The following NFIB variants were observed in gnomAD, a reference collection of about 807,000 sequenced individuals.
NFIB encodes the protein nuclear factor I B.
A neutral mutation model predicts 61.5 loss-of-function variants in NFIB; 11 were observed. The ratio of observed to expected loss-of-function variants is 0.18; its 90% CI spans 0.11 to 0.30. NFIB has a LOEUF of 0.30. Ranked by LOEUF, NFIB falls within the 10% of genes least tolerant of loss-of-function variation. NFIB has a pLI of 1.00. For missense variants in NFIB, 471 were observed against 608.9 expected, an observed-to-expected ratio of 0.77 and a Z score of 2.38; for synonymous variants, 260 against 216.5, an observed-to-expected ratio of 1.20 and a Z score of -1.76.
intron 8 of NFIB, among the ~76,000 whole-genome samples, chr9:14,117,313 G>A (rs1000039985): frequency 6.6e-6 from 1 of 152,066 alleles, no homozygotes; most frequent in Admixed American, 6.6e-5. Flanking sequence ...TTCCGTGGTA[G>A]GAAACAAAAT....
rs2118447617 is a variant in NFIB at position 14,087,576 on chromosome 9, T to C, written c.*733A>G. 4.4e-6 allele frequency: 1 copy of C among 227,764 alleles called. No homozygotes were observed. The highest frequency in any genetic ancestry group is 2.2e-5 in the African/African-American group (1 of 45,106). 14.1% of individuals were successfully genotyped at this position (227,764 alleles called of 1,614,324 possible). On this transcript the variant is annotated 3_prime_UTR_variant, in exon 11 of 11. Coordinates refer to ENST00000380953, the MANE Select transcript of NFIB (RefSeq NM_001190737.2). ...AACTGTTTTTTTCCTTTTTTCTTTT[T>C]TTCCTTTTTTTTTCATTTTTTCTTT...
rs372745565 is a variant in NFIB at position 14,141,649 on chromosome 9, T to G, written c.925+5040A>C. ...AATTCCTCCAATATAATATAGACAT[T>G]TGACAAATTGTTCATTGAACCAAAT... On this transcript the variant is annotated intron_variant, in intron 6 of 10. Transcript: ENST00000380953. 1.8e-4 allele frequency among the ~76,000 whole-genome samples: 28 copies of G among 152,286 alleles called. No homozygotes were observed. The South Asian group carries it at 5.8e-3, about 32-fold the overall frequency.
rs1011872669 is a variant in NFIB, at chr9:14,134,913, A to AAAAAAAAAAAAAAAAAAAG, written c.926-9148_926-9147insCTTTTTTTTTTTTTTTTTT. Among the ~76,000 whole-genome samples the AAAAAAAAAAAAAAAAAAAG allele has an allele frequency of 5.2e-3, 685 of 132,938 alleles. 7 individuals are homozygous for AAAAAAAAAAAAAAAAAAAG. Among genetic ancestry groups the AAAAAAAAAAAAAAAAAAAG allele is most frequent in the South Asian group, 9.7e-3 (36 of 3,728 alleles). The allele number at this position is 132,938 out of a possible 152,430, so 87.2% of individuals were successfully genotyped here. On this transcript the variant is annotated intron_variant, in intron 6 of 10. Coordinates refer to ENST00000380953, the MANE Select transcript of NFIB (RefSeq NM_001190737.2). Reference sequence around the variant, plus strand: ...ACTCTGTCTCAAAAAAAAAAAAAAAAAAAAAAAGGAAATTGAAGGATATGG... The same window carrying AAAAAAAAAAAAAAAAAAAG: ...ACTCTGTCTCAAAAAAAAAAAAAAAAAAAAAAAAAAAAAAAAAAGAAAAAAAGGAAATTGAAGGATATGG...
At chr9:14,114,694 C>T (rs1182436337) in intron 9 of NFIB, among the ~76,000 whole-genome samples, 1 of 152,110 alleles carries the variant, frequency 6.6e-6, no homozygotes, top group East Asian at 1.9e-4. Flanking sequence ...GAGGGTACTC[C>T]TATAAGTGAA....
In NFIB at chr9:14,396,517, TATAAG is replaced by T. The variant is rs1234219728; in HGVS notation, c.108+2002_108+2006del. On this transcript the variant is annotated intron_variant, in intron 1 of 8. Coordinates refer to the NFIB transcript ENST00000380934. ...CTTTACTTTTTGGTGTATTATAGGCTATAAGATATCTTAGGACCTGGGCTTTGGGG... is the reference window on the plus strand; with the variant it reads ...CTTTACTTTTTGGTGTATTATAGGCTATATCTTAGGACCTGGGCTTTGGGG... 2.0e-5 allele frequency among the ~76,000 whole-genome samples: 3 copies of T among 152,066 alleles called. No individual in the cohort carries two copies. In the East Asian group the frequency reaches 5.8e-4, roughly 29 times the overall value.
At chr9:14,432,221 CT>C in the NFIB span, among the ~76,000 whole-genome samples, 1 of 152,206 alleles carries the variant, frequency 6.6e-6, no homozygotes, top group Non-Finnish European at 1.5e-5. Flanking sequence ...GGAGACAATG[CT>C]TCAGATATAA....
At chr9:14,509,644 G>T in the NFIB span, among the ~76,000 whole-genome samples, 3 of 152,078 alleles carry the variant, frequency 2.0e-5, no homozygotes, top group Non-Finnish European at 4.4e-5. Context: ...ATTTCCTTGG[G>T]TCCAATCTGG....
At chr9:14,220,305 C>A (rs2051481768) in intron 2 of NFIB, among the ~76,000 whole-genome samples, 1 of 152,200 alleles carries the variant, frequency 6.6e-6, no homozygotes, top group South Asian at 2.1e-4. Flanking sequence ...AATTAGTACA[C>A]GCTTCATAAA....
chr9:14,170,791 C>T (rs2045481345), intron 3 of NFIB, among the ~76,000 whole-genome samples: 1 of 152,166 alleles, frequency 6.6e-6, no homozygotes, highest in Non-Finnish European at 1.5e-5. Context: ...TAAGGGGAAC[C>T]TAGACATTCA....
chr9:14,102,683 C>T lies in NFIB; in HGVS notation c.1467+10316G>A, dbSNP rs576302749. On this transcript the variant is annotated intron_variant, in intron 10 of 10. Coordinates refer to ENST00000380953, the MANE Select transcript of NFIB (RefSeq NM_001190737.2). The stretch of plus-strand genomic sequence containing the variant: ...AATCTTATTCTTGAAAAGCAAAATT[C>T]CTAGACTCTTTTTTAGAAAAAGCTA... Among the ~76,000 whole-genome samples, 5 of 151,436 alleles carry T rather than the reference C, an allele frequency of 3.3e-5. No individual in the cohort carries two copies. The East Asian group carries it at 9.7e-4, about 29-fold the overall frequency.
the NFIB span, among the ~76,000 whole-genome samples, chr9:14,507,904 G>A: frequency 2.0e-5 from 3 of 151,552 alleles, no homozygotes; most frequent in Admixed American, 6.6e-5. Context: ...CTTTCTATGT[G>A]ACACAGGTTC....
chr9:14,452,506 G>GGAAAA, the NFIB span, among the ~76,000 whole-genome samples: 1 of 139,902 alleles, frequency 7.1e-6, no homozygotes, highest in Non-Finnish European at 1.5e-5. Context: ...GGAAAGGAAA[G>GGAAAA]GAAAGGAGGA....
the NFIB span, among the ~76,000 whole-genome samples, chr9:14,434,742 T>G: frequency 6.6e-6 from 1 of 152,226 alleles, no homozygotes; most frequent in Non-Finnish European, 1.5e-5. Context: ...TTTAGATTTC[T>G]TTGCTGTAAA....
At chr9:14,513,492 G>C in the NFIB span, among the ~76,000 whole-genome samples, 2 of 151,990 alleles carry the variant, frequency 1.3e-5, no homozygotes, top group Admixed American at 6.6e-5. Context: ...GCCGGGTGTG[G>C]TAGCGCATGC....
intron 1 of NFIB, among the ~76,000 whole-genome samples, chr9:14,370,792 T>C (rs148750779): frequency 6.6e-6 from 1 of 152,322 alleles, no homozygotes; most frequent in Non-Finnish European, 1.5e-5. Context: ...ATCAATTTCT[T>C]TGTTTAAATG....
the NFIB span, among the ~76,000 whole-genome samples, chr9:14,509,849 A>G: frequency 6.6e-6 from 1 of 152,296 alleles, no homozygotes; most frequent in Non-Finnish European, 1.5e-5. Flanking sequence ...TTGAGAAAGC[A>G]GCTTCTTACA....
chr9:14,392,017 C>G (rs1158838510), intron 1 of NFIB, among the ~76,000 whole-genome samples: 1 of 152,174 alleles, frequency 6.6e-6, no homozygotes, highest in Non-Finnish European at 1.5e-5. Flanking sequence ...CTGCTGGTAA[C>G]AGACTTCCTC....
chr9:14,398,743 G>A, exon 1 of NFIB: 1 of 679,096 alleles, frequency 1.5e-6, no homozygotes, highest in Non-Finnish European at 2.4e-6. Flanking sequence ...AGCTTCATAG[G>A]AATGAACAGG....
At chr9:14,351,282 C>T (rs749419157) in intron 1 of NFIB, among the ~76,000 whole-genome samples, 1 of 152,184 alleles carries the variant, frequency 6.6e-6, no homozygotes, top group Non-Finnish European at 1.5e-5. Flanking sequence ...TTCCTTCTGA[C>T]TTTGCCGAAA....
Sources: allele counts gnomAD v4.1 joint callset (sites outside exome capture counted in the v4.1 genomes callset), GRCh38; gene constraint gnomAD v4.1.1; transcripts MANE v1.5; gene names NCBI Gene and HGNC (gene_info 2026-07-23, HGNC 2026-07-21).